The following CNTNAP2 variants were observed in gnomAD, a reference collection of about 807,000 sequenced individuals.
CNTNAP2 encodes the protein contactin-associated protein-like 2.
In CNTNAP2, 98 loss-of-function variants were observed where a neutral mutation model predicts 155.2. The ratio of observed to expected loss-of-function variants is 0.63; its 90% confidence interval spans 0.54 to 0.75. The LOEUF (loss-of-function observed/expected upper bound fraction) is 0.75, where lower values mean the gene tolerates loss of function less well. Ranked by LOEUF, CNTNAP2 falls within the 30% of genes least tolerant of loss-of-function variation. The probability of loss-of-function intolerance (pLI) is 0.00; values close to 1 mark genes in which losing one functional copy is unlikely to be tolerated. For synonymous variants in CNTNAP2, 651 were observed against 631.2 expected (o/e 1.03, Z -0.47); for missense variants, 1,727 against 1,688.1 (o/e 1.02, Z -0.40).
intron 20 of CNTNAP2, among the ~76,000 whole-genome samples, chr7:148,247,595 T>TTCTC (rs140317251): frequency 0.011 from 1,402 of 132,722 alleles, 20 homozygotes; most frequent in African/African-American, 0.017. Context: ...GCTTCTCCCA[T>TTCTC]TCTCTCTCTC....
chr7:146,622,329 T>A lies in CNTNAP2; in HGVS notation c.98-151942T>A, dbSNP rs559068633. Reference sequence around the variant, plus strand: ...TATATTTTTTGCTCCAGTCTTAGAATCAACCTTCTAAGGAATCCTGGTTTT... The same window carrying A: ...TATATTTTTTGCTCCAGTCTTAGAAACAACCTTCTAAGGAATCCTGGTTTT... On this transcript the variant is annotated intron_variant, in intron 1 of 23. Coordinates refer to ENST00000361727, the MANE Select transcript of CNTNAP2 (RefSeq NM_014141.6). Among the ~76,000 whole-genome samples the A allele has an allele frequency of 8.6e-5, 13 of 151,944 alleles. No homozygotes were observed. The South Asian group carries it at 2.7e-3, about 32-fold the overall frequency.
intron 15 of CNTNAP2, among the ~76,000 whole-genome samples, chr7:148,030,641 G>A (rs1004405825): frequency 3.5e-5 from 5 of 144,480 alleles, no homozygotes; most frequent in Admixed American, 6.9e-5. Flanking sequence ...AAACATGATT[G>A]TTTGGTAGTA....
chr7:146,586,506 T>G (rs1402898838), intron 1 of CNTNAP2, among the ~76,000 whole-genome samples: 2 of 152,140 alleles, frequency 1.3e-5, no homozygotes, highest in Admixed American at 6.6e-5. Flanking sequence ...ACATAAAGCA[T>G]CTGTTTTCTA....
At chr7:147,282,608 A>T (rs901693432) in intron 8 of CNTNAP2, among the ~76,000 whole-genome samples, 5 of 151,926 alleles carry the variant, frequency 3.3e-5, no homozygotes, top group African/African-American at 7.2e-5. Flanking sequence ...TACAGGGAAG[A>T]TGATGGACTC....
intron 15 of CNTNAP2, among the ~76,000 whole-genome samples, chr7:148,076,404 C>A (rs1585112968): frequency 1.4e-5 from 2 of 143,502 alleles, no homozygotes; most frequent in African/African-American, 5.1e-5. Context: ...TGGTGTAGAC[C>A]TATGATAGCT....
At chr7:148,333,410 A>G (rs1798064698) in intron 21 of CNTNAP2, among the ~76,000 whole-genome samples, 1 of 150,746 alleles carries the variant, frequency 6.6e-6, no homozygotes, top group African/African-American at 2.4e-5. Context: ...CCTGGGTGAC[A>G]GATCAGATTC....
chr7:146,218,805 A>T (rs1159960574), intron 1 of CNTNAP2, among the ~76,000 whole-genome samples: 4 of 152,140 alleles, frequency 2.6e-5, no homozygotes, highest in African/African-American at 9.7e-5. Flanking sequence ...CTTTGGGAGA[A>T]TGAGTCAGAT....
rs1386601085 is a variant in CNTNAP2 at position 147,602,985 on chromosome 7, C to T, written c.1898-36121C>T. On this transcript the variant is annotated intron_variant, in intron 12 of 23. Transcript: ENST00000361727. ...GTATGTAGCAGCATGATTTATAGTC[C>T]TTTGGGTATATACCCAGTAATGGGA... 2.0e-5 allele frequency among the ~76,000 whole-genome samples: 3 copies of T among 152,110 alleles called. No homozygotes were observed. The East Asian group carries it at 5.8e-4, about 29-fold the overall frequency.
chr7:147,011,012 T>C (rs749060663), intron 3 of CNTNAP2, among the ~76,000 whole-genome samples: 1 of 152,074 alleles, frequency 6.6e-6, no homozygotes, highest in Non-Finnish European at 1.5e-5. Flanking sequence ...CTGAGGAAGC[T>C]TCACCACCGT....
chr7:146,588,006 A>ATGTGTGTGTGTGTGTG lies in CNTNAP2; in HGVS notation c.98-186253_98-186238dup, dbSNP rs370352120. ...TAATTTTCAAACAAACCGTGTGTGTATGTGTGTGTGTGTGTGTGTGTGTGT... is the reference window on the plus strand; with the variant it reads ...TAATTTTCAAACAAACCGTGTGTGTATGTGTGTGTGTGTGTGTGTGTGTGTGTGTGTGTGTGTGTGT... On this transcript the variant is annotated intron_variant, in intron 1 of 23. Transcript: ENST00000361727. Among the ~76,000 whole-genome samples, 229 of 148,936 alleles carry ATGTGTGTGTGTGTGTG rather than the reference A, an allele frequency of 1.5e-3. 1 individual carries two copies. Among genetic ancestry groups the ATGTGTGTGTGTGTGTG allele is most frequent in the Non-Finnish European group, 1.6e-3 (110 of 66,956 alleles).
At chr7:148,045,449 G>A (rs1178461000) in intron 15 of CNTNAP2, among the ~76,000 whole-genome samples, 2 of 133,576 alleles carry the variant, frequency 1.5e-5, no homozygotes, top group Non-Finnish European at 3.2e-5. Context: ...GCGTGAGTCA[G>A]GTAGGTTGTA....
intron 22 of CNTNAP2, among the ~76,000 whole-genome samples, chr7:148,388,440 C>T (rs1197672208): frequency 3.9e-5 from 6 of 151,998 alleles, no homozygotes; most frequent in African/African-American, 1.4e-4. Flanking sequence ...TGATGATTTC[C>T]AATTTCATCC....
chr7:147,640,163 GATAT>G (rs150554246), intron 13 of CNTNAP2, among the ~76,000 whole-genome samples: 3 of 148,506 alleles, frequency 2.0e-5, no homozygotes, highest in Admixed American at 6.7e-5. Flanking sequence ...AATATGATAT[GATAT>G]ATATATATAT....
chr7:148,077,951 T>C (rs1803523923), intron 15 of CNTNAP2, among the ~76,000 whole-genome samples: 1 of 152,206 alleles, frequency 6.6e-6, no homozygotes, highest in African/African-American at 2.4e-5. Flanking sequence ...AGTCTGGGAT[T>C]ATACCACAGA....
chr7:147,983,639 G>T (rs902086357), intron 15 of CNTNAP2, among the ~76,000 whole-genome samples: 3 of 152,140 alleles, frequency 2.0e-5, no homozygotes, highest in African/African-American at 7.2e-5. Flanking sequence ...GGTATACATT[G>T]GTTTAGTCTA....
chr7:146,760,478 G>A (rs895502641), intron 1 of CNTNAP2, among the ~76,000 whole-genome samples: 2 of 121,394 alleles, frequency 1.6e-5, no homozygotes, highest in South Asian at 5.8e-4. Context: ...AAGCTGGAAT[G>A]CAGTGGCATA....
chr7:146,218,466 G>A (rs544075137), intron 1 of CNTNAP2, among the ~76,000 whole-genome samples: 3 of 152,042 alleles, frequency 2.0e-5, no homozygotes, highest in South Asian at 2.1e-4. Flanking sequence ...CTGAGATCGC[G>A]CCACTGCACT....
intron 10 of CNTNAP2, among the ~76,000 whole-genome samples, chr7:147,423,461 A>G (rs1217129297): frequency 1.3e-5 from 2 of 152,150 alleles, no homozygotes; most frequent in African/African-American, 2.4e-5. Flanking sequence ...TTCCAAAACC[A>G]TTTGTCCACT....
At chr7:146,784,812 C>A (rs989458998) in intron 2 of CNTNAP2, among the ~76,000 whole-genome samples, 1 of 152,038 alleles carries the variant, frequency 6.6e-6, no homozygotes. Context: ...TCCCTCTGTG[C>A]GTAGATATCG....
Sources: allele counts gnomAD v4.1 joint callset (sites outside exome capture counted in the v4.1 genomes callset), GRCh38; gene constraint gnomAD v4.1.1; transcripts MANE v1.5; gene names NCBI Gene and HGNC (gene_info 2026-07-23, HGNC 2026-07-21).